Variants in KANK3 observed in about 807,000 individuals in gnomAD.
KANK3 encodes KN motif and ankyrin repeat domain-containing protein 3.
KANK3 carries 61 observed loss-of-function variants against 65.4 expected under a neutral mutation model. That is an observed-to-expected ratio of 0.93 (90% confidence interval 0.76 to 1.15). The LOEUF (loss-of-function observed/expected upper bound fraction) is 1.15, where lower values mean the gene tolerates loss of function less well. Ranked by LOEUF, KANK3 falls within the 50% of genes most tolerant of loss-of-function variation. The pLI is 0.00. For missense variants in KANK3, 1,187 were observed against 1,178.8 expected (o/e 1.01, Z -0.10); for synonymous variants, 586 against 543.3 (o/e 1.08, Z -1.09).
Position 8,333,329 on chromosome 19 carries a change from G to C in KANK3, c.1720-99C>G, listed in dbSNP as rs1393439294. On this transcript the variant is annotated intron_variant, in intron 6 of 10. Transcript: ENST00000330915. The surrounding 1 kb of genome is among the most constrained non-coding windows in gnomAD (Gnocchi z 5.0). Reference sequence around the variant, plus strand: ...GCGGGACTGGGAAGAGACCCATTTGGCGTTTCCAGGCAAGTAAGGAAGGTC... The same window carrying C: ...GCGGGACTGGGAAGAGACCCATTTGCCGTTTCCAGGCAAGTAAGGAAGGTC... 6.1e-6 allele frequency: 6 copies of C among 976,164 alleles called. No individual in the cohort carries two copies. Among genetic ancestry groups the C allele is most frequent in the Non-Finnish European group, 7.5e-6 (5 of 668,872 alleles). 60.5% of individuals were successfully genotyped at this position (976,164 alleles called of 1,614,324 possible).
intron 2 of KANK3, among the ~76,000 whole-genome samples, chr19:8,336,243 C>G (rs1354822740): frequency 6.6e-6 from 1 of 152,108 alleles, no homozygotes; most frequent in African/African-American, 2.4e-5. Context: ...CCAGACCAGC[C>G]TGGCCAACAT....
chr19:8,342,861 C>G (rs1176632437), intron 1 of KANK3, among the ~76,000 whole-genome samples: 1 of 152,128 alleles, frequency 6.6e-6, no homozygotes, highest in African/African-American at 2.4e-5. Flanking sequence ...CCCCAAAACA[C>G]CATTTCCGTG....
At chr19:8,326,112 G>A (rs914091193) in intron 7 of KANK3, among the ~76,000 whole-genome samples, 15 of 151,976 alleles carry the variant, frequency 9.9e-5, no homozygotes, top group East Asian at 5.9e-4. Flanking sequence ...GTGAGCCACC[G>A]CGCCTGGCCA....
Position 8,324,073 on chromosome 19 carries a change from A to G in KANK3, c.2382+376T>C, listed in dbSNP as rs184436461. Reference sequence around the variant, plus strand: ...AGGTTACTTCCCCCCTTGAGGACTCAGTCTCATGACCTGGGGTAGTGTCAA... The same window carrying G: ...AGGTTACTTCCCCCCTTGAGGACTCGGTCTCATGACCTGGGGTAGTGTCAA... On this transcript the variant is annotated intron_variant, in intron 10 of 10. Transcript: ENST00000330915. Among the ~76,000 whole-genome samples the G allele has an allele frequency of 1.8e-4, 27 of 152,308 alleles. No homozygotes were observed. In the East Asian group the frequency reaches 4.8e-3, roughly 27 times the overall value.
rs202140863 is a variant in KANK3, at chr19:8,333,102, C to T, written c.1848G>A (p.Val616=). The T allele has an allele frequency of 6.2e-7, 1 of 1,612,520 alleles. No homozygotes were observed. The highest frequency in any genetic ancestry group is 8.5e-7 in the Non-Finnish European group (1 of 1,179,836). Residue 616 remains valine (V), a synonymous_variant, in exon 7 of 11, where the codon GTG becomes GTA. Coordinates refer to ENST00000330915, the MANE Select transcript of KANK3 (RefSeq NM_198471.3). The surrounding 1 kb of genome is among the most constrained non-coding windows in gnomAD (Gnocchi z 5.0). ...TGTTCCCGTTGCCATCCGCCAGGTT[C>T]ACCACGTGCGCCAGCAGTTCGGGTC... The part of the protein sequence containing the change: ...RLGPELLAHV[V]NLADGNGNTA...
chr19:8,324,366 A>G, intron 10 of KANK3, 83 bp downstream of exon 10: 1 of 1,272,106 alleles, frequency 7.9e-7, no homozygotes, highest in Admixed American at 2.1e-5. Flanking sequence ...GGGAGCAGAA[A>G]GGGAGGCTCA....
rs1181354814 is a variant in KANK3 at position 8,333,254 on chromosome 19, A to G, written c.1720-24T>C. ...CCCTGCAAGGGACAGGGGCCAAGATAACATCGGCGATGGTCCACGGCGGCG... is the reference window on the plus strand; with the variant it reads ...CCCTGCAAGGGACAGGGGCCAAGATGACATCGGCGATGGTCCACGGCGGCG... On this transcript the variant is annotated intron_variant, in intron 6 of 10. Coordinates refer to ENST00000330915, the MANE Select transcript of KANK3 (RefSeq NM_198471.3). The surrounding 1 kb of genome is among the most constrained non-coding windows in gnomAD (Gnocchi z 5.0). 1 of 1,581,152 alleles carries G rather than the reference A, an allele frequency of 6.3e-7. No individual in the cohort carries two copies. The highest frequency in any genetic ancestry group is 1.1e-5 in the South Asian group (1 of 89,666).
intron 7 of KANK3, among the ~76,000 whole-genome samples, chr19:8,328,897 C>T (rs542195946): frequency 1.3e-5 from 2 of 152,062 alleles, no homozygotes; most frequent in Non-Finnish European, 2.9e-5. Flanking sequence ...GGGCCGAGCG[C>T]GGTGGCTCAC....
chr19:8,333,136 C>T lies in KANK3; in HGVS notation c.1814G>A (p.Arg605Lys). The T allele has an allele frequency of 1.2e-6, 2 of 1,613,072 alleles. No individual in the cohort carries two copies. The highest frequency in any genetic ancestry group is 1.7e-6 in the Non-Finnish European group (2 of 1,179,934). ...CGCCAGCAGTTCGGGTCCCAGGCGC[C>T]TCACCCCTTCCAGCATCCTGGCCAC... ...EPVARMLEGV[R>K]RLGPELLAHV... Residue 605 changes from arginine (R) to lysine (K), a missense_variant, in exon 7 of 11, where the codon AGG (arginine) becomes AAG (lysine). Physicochemically the swap from Arg to Lys is conservative, Grantham distance 26. Around this residue, in one of 3 missense-constraint regions of KANK3, gnomAD observed 1,078 missense variants for 1,038.2 expected, o/e 1.04. Coordinates refer to ENST00000330915, the MANE Select transcript of KANK3 (RefSeq NM_198471.3). This position sits in a 1 kb window ranked among gnomAD's most constrained non-coding sequence, Gnocchi z 5.0.
chr19:8,331,131 T>C (rs1970516636), intron 7 of KANK3, among the ~76,000 whole-genome samples: 1 of 149,900 alleles, frequency 6.7e-6, no homozygotes, highest in African/African-American at 2.5e-5. Flanking sequence ...AGGCGTAGGT[T>C]GCAGTGAGCA....
intron 1 of KANK3, among the ~76,000 whole-genome samples, chr19:8,339,895 T>TGCA (rs1970699689): frequency 1.4e-5 from 2 of 144,398 alleles, no homozygotes; most frequent in Admixed American, 1.4e-4. Context: ...GTCCAGGAGA[T>TGCA]GCAGGCTGCA....
chr19:8,334,838 G>A lies in KANK3; in HGVS notation c.989C>T (p.Ala330Val), dbSNP rs1480131491. ...PETREAGVEA[A>V]PETVEADAWV... ...CGCGTCCGCCTCCACGGTCTCGGGG[G>A]CAGCCTCCACGCCGGCCTCCCGGGT... Residue 330 changes from alanine to valine, a missense_variant, in exon 3 of 11, where the codon GCC becomes GTC. By Grantham distance (64) the Ala-to-Val change is moderately conservative (BLOSUM62 0). Coordinates refer to ENST00000330915, the MANE Select transcript of KANK3 (RefSeq NM_198471.3). The A allele has an allele frequency of 1.4e-6, 2 of 1,476,770 alleles. No homozygotes were observed. Among genetic ancestry groups the A allele is most frequent in the East Asian group, 5.7e-5 (2 of 34,986 alleles). The allele number at this position is 1,476,770 out of a possible 1,614,324, so 91.5% of individuals were successfully genotyped here.
At position 8,333,118 on chromosome 19, in the gene KANK3, A is replaced by T; in HGVS notation, c.1832T>A (p.Leu611Gln). 6.2e-7 allele frequency: 1 copy of T among 1,613,142 alleles called. No individual in the cohort carries two copies. The highest frequency in any genetic ancestry group is 8.5e-7 in the Non-Finnish European group (1 of 1,179,942). The stretch of plus-strand genomic sequence containing the variant: ...CGCCAGGTTCACCACGTGCGCCAGC[A>T]GTTCGGGTCCCAGGCGCCTCACCCC... Reference protein sequence around the residue: ...LEGVRRLGPELLAHVVNLADG... With the variant: ...LEGVRRLGPEQLAHVVNLADG... The change falls in exon 7 of 11, where the codon CTG (leucine) becomes CAG (glutamine). Residue 611 changes from leucine (L) to glutamine (Q), a missense_variant. By Grantham distance (113) the Leu-to-Gln change is moderately radical. Around this residue, in one of 3 missense-constraint regions of KANK3, gnomAD observed 1,078 missense variants for 1,038.2 expected, o/e 1.04. Coordinates refer to ENST00000330915, the MANE Select transcript of KANK3 (RefSeq NM_198471.3). The surrounding 1 kb of genome is among the most constrained non-coding windows in gnomAD (Gnocchi z 5.0).
intron 7 of KANK3, 27 bp downstream of exon 7, chr19:8,332,987 T>TTGGCCCC: frequency 7.6e-6 from 3 of 395,198 alleles, no homozygotes; most frequent in Admixed American, 4.3e-5. Context: ...TTTCCTGGTG[T>TTGGCCCC]CCCACCCACC....
chr19:8,340,112 C>T (rs1321025839), intron 1 of KANK3, among the ~76,000 whole-genome samples: 1 of 150,902 alleles, frequency 6.6e-6, no homozygotes, highest in Non-Finnish European at 1.5e-5. Flanking sequence ...ATGTCATCGC[C>T]ATAGCTGGAC....
At chr19:8,334,205 C>G (rs1970584853) in intron 4 of KANK3, 89 bp from the exon 5 acceptor site, 9 of 1,515,196 alleles carry the variant, frequency 5.9e-6, no homozygotes, top group Non-Finnish European at 7.1e-6. Flanking sequence ...TCCCATTTAA[C>G]GATGAGGAAA....
Position 8,335,345 on chromosome 19 carries a change from G to T in KANK3, c.482C>A (p.Pro161Gln). Reference sequence around the variant, plus strand: ...GGGGCTGCTGCGGCCGGACCCGCGTGGGCTGCGCGGGACCCCGCGGCCGGG... The same window carrying T: ...GGGGCTGCTGCGGCCGGACCCGCGTTGGCTGCGCGGGACCCCGCGGCCGGG... ...PSPGRGVPRS[P>Q]RGSGRSSPAP... is the part of the protein sequence containing the mutation. Residue 161 changes from proline to glutamine, a missense_variant, in exon 3 of 11, where the codon CCA becomes CAA. Pro to Gln is a moderately conservative substitution (Grantham distance 76, BLOSUM62 -1). Around this residue, in one of 3 missense-constraint regions of KANK3, gnomAD observed 1,078 missense variants for 1,038.2 expected, o/e 1.04. Transcript: ENST00000330915. The T allele has an allele frequency of 1.7e-6, 2 of 1,194,382 alleles. No homozygotes were observed. Among genetic ancestry groups the T allele is most frequent in the Non-Finnish European group, 2.1e-6 (2 of 964,302 alleles). The allele number at this position is 1,194,382 out of a possible 1,614,324, so 74.0% of individuals were successfully genotyped here.
At chr19:8,326,719 C>T (rs1373476617) in intron 7 of KANK3, among the ~76,000 whole-genome samples, 1 of 150,792 alleles carries the variant, frequency 6.6e-6, no homozygotes, top group Non-Finnish European at 1.5e-5. Flanking sequence ...ATGGCATGAA[C>T]CCGGGGGACG....
chr19:8,334,110 C>G lies in KANK3; in HGVS notation c.1434G>C (p.Glu478Asp). Residue 478 changes from glutamate (E) to aspartate (D), a missense_variant, in exon 5 of 11, where the codon GAG becomes GAC. Transcript: ENST00000330915. ...QFVGVLNGEY[E>D]SSSSEDASDS... Reference sequence around the variant, plus strand: ...CGCTGGCGTCCTCGCTGGAGGAGCTCTCGTACCTGGGGGCAGGGTGGGAGG... The same window carrying G: ...CGCTGGCGTCCTCGCTGGAGGAGCTGTCGTACCTGGGGGCAGGGTGGGAGG... 6.6e-7 allele frequency: 1 copy of G among 1,515,754 alleles called. No homozygotes were observed. Among genetic ancestry groups the G allele is most frequent in the South Asian group, 1.2e-5 (1 of 81,888 alleles). 93.9% of individuals were successfully genotyped at this position (1,515,754 alleles called of 1,614,324 possible).
Sources: gnomAD v4.1 joint callset for allele counts (sites outside exome capture counted in the v4.1 genomes callset) on GRCh38, gnomAD v4.1.1 for gene constraint, gnomAD v4.1.1 regional missense constraint, Gnocchi (gnomAD v3.1) non-coding constraint, MANE v1.5 for transcripts, NCBI Gene and HGNC (gene_info 2026-07-23, HGNC 2026-07-21) for gene names.